Variants in TEX101 observed in about 807,000 individuals in gnomAD.
The protein encoded by TEX101 is testis expressed 101, also known as testis-expressed protein 101.
In TEX101, 10 loss-of-function variants were observed where a neutral mutation model predicts 18.1. The observed-to-expected ratio is 0.55, with a 90% CI of 0.34 to 0.94. TEX101 has a LOEUF of 0.94. TEX101 is among the 40% of genes least tolerant of loss of function. The pLI, the probability that TEX101 is intolerant of heterozygous loss-of-function variation, is 0.02. For missense variants in TEX101, 259 were observed against 298.9 expected (o/e 0.87, Z 0.98); for synonymous variants, 94 against 114.8 (o/e 0.82, Z 1.16).
chr19:43,393,026 C>G, the TEX101 span, among the ~76,000 whole-genome samples: 3 of 143,322 alleles, frequency 2.1e-5, no homozygotes, highest in Admixed American at 1.4e-4. Context: ...CCACTGCACT[C>G]CAGCCTGGGT....
At chr19:43,415,313 A>G (rs969694295) in intron 1 of TEX101, among the ~76,000 whole-genome samples, 1 of 151,980 alleles carries the variant, frequency 6.6e-6, no homozygotes. Flanking sequence ...CTTCAGGGCC[A>G]CACTCCTGAT....
the TEX101 span, among the ~76,000 whole-genome samples, chr19:43,395,510 T>C: frequency 3.9e-5 from 6 of 152,220 alleles, no homozygotes; most frequent in Admixed American, 1.3e-4. Context: ...TATCAATTCA[T>C]TGGGCACTCC....
intron 1 of TEX101, 60 bp from the exon 2 acceptor site, chr19:43,415,821 G>C: frequency 6.8e-6 from 10 of 1,481,150 alleles, no homozygotes; most frequent in Non-Finnish European, 8.5e-6. Context: ...CCAGGACCTA[G>C]ATTTGATCTC....
rs3816438 is a variant in TEX101 at position 43,417,909 on chromosome 19, A to G, written c.423A>G (p.Pro141=). The G allele has an allele frequency of 0.23, 372,668 of 1,613,928 alleles. 47,848 individuals carry two copies. The highest frequency in any genetic ancestry group is 0.56 in the East Asian group (25,041 of 44,856). The part of the protein sequence containing the change: ...ASTVSTTLHC[P]TCVALGTCFS... Reference sequence around the variant, plus strand: ...CTGTGTCAACAACCCTCCATTGTCCAACCTGTGTGGCTTTGGGGACCTGTT... The same window carrying G: ...CTGTGTCAACAACCCTCCATTGTCCGACCTGTGTGGCTTTGGGGACCTGTT... Residue 141 remains proline (P), a synonymous_variant, in exon 5 of 6, where the codon CCA becomes CCG. Transcript: ENST00000598265.
chr19:43,391,980 C>G, the TEX101 span, among the ~76,000 whole-genome samples: 104 of 152,282 alleles, frequency 6.8e-4, 1 homozygote, highest in Middle Eastern at 3.4e-3. Flanking sequence ...CCACTAAGCA[C>G]AGAACCCTGC....
intron 3 of TEX101, among the ~76,000 whole-genome samples, chr19:43,409,612 G>A (rs2122332910): frequency 6.8e-6 from 1 of 147,764 alleles, no homozygotes; most frequent in South Asian, 2.1e-4. Flanking sequence ...TGAAGTACTA[G>A]TAAAAAAAAA....
At chr19:43,417,732 C>T in intron 4 of TEX101, 146 bp from the exon 5 acceptor site, 2 of 1,001,448 alleles carry the variant, frequency 2.0e-6, no homozygotes, top group South Asian at 1.5e-5. Flanking sequence ...GCAGAGAACA[C>T]CAGCTGGGGA....
At chr19:43,417,596 C>T (rs1171050648) in intron 4 of TEX101, among the ~76,000 whole-genome samples, 1 of 152,236 alleles carries the variant, frequency 6.6e-6, no homozygotes, top group East Asian at 1.9e-4. Context: ...ACAGCAGCTA[C>T]TGAATTGATT....
chr19:43,394,650 T>G, the TEX101 span, among the ~76,000 whole-genome samples: 1 of 152,116 alleles, frequency 6.6e-6, no homozygotes, highest in Non-Finnish European at 1.5e-5. Context: ...TTTTGTATTT[T>G]TAGTAGAGAC....
At chr19:43,397,126 G>C (rs528588257), upstream of TEX101, among the ~76,000 whole-genome samples, 1 of 152,106 alleles carries the variant, frequency 6.6e-6, no homozygotes, top group Non-Finnish European at 1.5e-5. Flanking sequence ...ATGAGCCACC[G>C]CACCCAGCCT....
chr19:43,404,489 G>C (rs1187168971), intron 2 of TEX101, among the ~76,000 whole-genome samples: 1 of 151,924 alleles, frequency 6.6e-6, no homozygotes, highest in Non-Finnish European at 1.5e-5. Context: ...ACTACAATTT[G>C]TTTGTTATCT....
the TEX101 span, among the ~76,000 whole-genome samples, chr19:43,391,741 A>G: frequency 6.6e-5 from 10 of 152,254 alleles, no homozygotes; most frequent in African/African-American, 2.4e-4. Context: ...CTATGGATAA[A>G]CATCAGGGTC....
At chr19:43,394,348 G>A in the TEX101 span, among the ~76,000 whole-genome samples, 73 of 152,168 alleles carry the variant, frequency 4.8e-4, 1 homozygote, top group African/African-American at 1.7e-3. Flanking sequence ...CAATGTTCTT[G>A]CAAAGATTAT....
chr19:43,393,300 C>G, the TEX101 span, among the ~76,000 whole-genome samples: 5 of 152,142 alleles, frequency 3.3e-5, no homozygotes, highest in African/African-American at 1.2e-4. Context: ...CAGGGCGACC[C>G]AATGCCCAGT....
At chr19:43,404,772 A>G (rs1000196499) in intron 2 of TEX101, among the ~76,000 whole-genome samples, 7 of 151,188 alleles carry the variant, frequency 4.6e-5, no homozygotes, top group Middle Eastern at 3.5e-3. Context: ...ATATAAATAT[A>G]TATATACTTA....
rs1568458951 is a variant in TEX101, at chr19:43,416,447, T to C, written c.283T>C (p.Ser95Pro). Residue 95 changes from serine (S) to proline (P), a missense_variant, in exon 4 of 6, where the codon TCT becomes CCT. Physicochemically the swap from Ser to Pro is moderately conservative, Grantham distance 74. Coordinates refer to ENST00000598265, the MANE Select transcript of TEX101 (RefSeq NM_001130011.3). ...GGAGGCCATAACAATTGTCCAGCACTCTTCACCTCCCGGCCTGATCGTGAC... is the reference window on the plus strand; with the variant it reads ...GGAGGCCATAACAATTGTCCAGCACCCTTCACCTCCCGGCCTGATCGTGAC... ...GEEAITIVQH[S>P]SPPGLIVTSY... 1.9e-6 allele frequency: 3 copies of C among 1,614,150 alleles called. No homozygotes were observed. Among genetic ancestry groups the C allele is most frequent in the East Asian group, 4.5e-5 (2 of 44,880 alleles).
chr19:43,413,782 G>A (rs538851724), upstream of TEX101, among the ~76,000 whole-genome samples: 14 of 151,770 alleles, frequency 9.2e-5, no homozygotes, highest in South Asian at 2.5e-3. Flanking sequence ...GCGAAACCCC[G>A]TCTCTACTAA....
chr19:43,389,446 G>C, the TEX101 span, among the ~76,000 whole-genome samples: 1 of 152,162 alleles, frequency 6.6e-6, no homozygotes, highest in African/African-American at 2.4e-5. Flanking sequence ...TCCAGGGCCA[G>C]CCTCAGCAGT....
the TEX101 span, among the ~76,000 whole-genome samples, chr19:43,390,460 C>CTTTTGTTTTTTTTT: frequency 2.0e-5 from 1 of 49,856 alleles, no homozygotes; most frequent in African/African-American, 8.3e-5. Flanking sequence ...CTTTTTTTTT[C>CTTTTGTTTTTTTTT]TTTTTTTTTT....
Sources: allele counts gnomAD v4.1 joint callset (sites outside exome capture counted in the v4.1 genomes callset), GRCh38; gene constraint gnomAD v4.1.1; transcripts MANE v1.5; gene names NCBI Gene and HGNC (gene_info 2026-07-23, HGNC 2026-07-21).